The following NTRK2 variants were observed in gnomAD, a reference collection of about 807,000 sequenced individuals.
NTRK2 encodes the protein neurotrophic receptor tyrosine kinase 2.
Under a neutral mutation model 94.5 loss-of-function variants are expected in NTRK2, and 13 were observed. The ratio of observed to expected loss-of-function variants is 0.14; its 90% confidence interval spans 0.09 to 0.22. The LOEUF (loss-of-function observed/expected upper bound fraction) is 0.22, where lower values mean the gene tolerates loss of function less well. Among genes scored for constraint, NTRK2 ranks in the 10% least tolerant of loss-of-function variants. The pLI, the probability that NTRK2 is intolerant of heterozygous loss-of-function variation, is 1.00. For synonymous variants in NTRK2, 372 were observed against 407.4 expected (o/e 0.91, Z 1.05); for missense variants, 639 against 1,071.2 (o/e 0.60, Z 5.63).
chr9:84,909,944 T>C (rs1031525472), intron 14 of NTRK2, among the ~76,000 whole-genome samples: 1 of 152,178 alleles, frequency 6.6e-6, no homozygotes, highest in Non-Finnish European at 1.5e-5. Context: ...GAAAGTCCAA[T>C]TTGTTAATTT....
intron 17 of NTRK2, among the ~76,000 whole-genome samples, chr9:84,992,576 C>T (rs548750760): frequency 4.6e-5 from 7 of 152,116 alleles, no homozygotes; most frequent in Admixed American, 2.0e-4. Context: ...TGTCTGGCAC[C>T]GTGCCTGGCA....
intron 13 of NTRK2, among the ~76,000 whole-genome samples, chr9:84,861,306 C>G (rs1015883108): frequency 6.6e-6 from 1 of 152,064 alleles, no homozygotes; most frequent in African/African-American, 2.4e-5. Context: ...AGATTTGACT[C>G]GTTTTTATCC....
rs549636095 is a variant in NTRK2, at chr9:84,746,428, C to T, written c.1296+1355C>T. Among the ~76,000 whole-genome samples the T allele has an allele frequency of 2.6e-5, 4 of 152,290 alleles. No individual in the cohort carries two copies. In the South Asian group the frequency reaches 6.2e-4, roughly 24 times the overall value. ...TCAGTTGTTCTTTCCTGCATGACCA[C>T]GCAGCCTCCTAACCCATCTCCCTCT... On this transcript the variant is annotated intron_variant, in intron 11 of 18. Transcript: ENST00000277120.
Position 84,670,685 on chromosome 9 carries a change from G to T in NTRK2, c.-64G>T. 6.5e-7 allele frequency: 1 copy of T among 1,543,746 alleles called. No homozygotes were observed. The highest frequency in any genetic ancestry group is 1.1e-5 in the South Asian group (1 of 89,586). On this transcript the variant is annotated 5_prime_UTR_variant, in exon 2 of 19. Transcript: ENST00000277120. ...AAGCGCAGGGAAGGCCTCCCCGCAC[G>T]GGTGGGGGAAAGCGGCCGGTGCAGC...
chr9:84,830,116 C>G (rs2073440118), intron 12 of NTRK2, among the ~76,000 whole-genome samples: 1 of 152,180 alleles, frequency 6.6e-6, no homozygotes, highest in African/African-American at 2.4e-5. Flanking sequence ...TGTTGGCATT[C>G]ATGTAGACTT....
At chr9:84,737,251 C>T (rs1784181780) in intron 9 of NTRK2, among the ~76,000 whole-genome samples, 1 of 152,154 alleles carries the variant, frequency 6.6e-6, no homozygotes, top group Non-Finnish European at 1.5e-5. Flanking sequence ...GTCAGGCTAC[C>T]TCTCTTCCCA....
chr9:84,898,249 T>C (rs529996906), intron 14 of NTRK2, among the ~76,000 whole-genome samples: 91 of 152,306 alleles, frequency 6.0e-4, no homozygotes, highest in Non-Finnish European at 1.2e-3. Context: ...AGTCCTTCCA[T>C]GGTGCCATCA....
Position 84,927,026 on chromosome 9 carries a change from C to A in NTRK2, c.1634-7136C>A, listed in dbSNP as rs545572037. ...TGAGGACATTGATCATTGTGCCTAT[C>A]GGCATCCCTTTTGTAAAATCGATTT... On this transcript the variant is annotated intron_variant, in intron 14 of 18. Transcript: ENST00000277120. Among the ~76,000 whole-genome samples the A allele has an allele frequency of 3.9e-5, 6 of 152,324 alleles. No individual in the cohort carries two copies. The South Asian group carries it at 1.2e-3, about 32-fold the overall frequency.
At chr9:84,719,747 G>T (rs929283065) in intron 6 of NTRK2, among the ~76,000 whole-genome samples, 2 of 151,958 alleles carry the variant, frequency 1.3e-5, no homozygotes, top group Admixed American at 1.3e-4. Flanking sequence ...GGCTGGGCAC[G>T]GTGGCTCATA....
At chr9:84,937,415 T>C (rs1055868191) in intron 15 of NTRK2, among the ~76,000 whole-genome samples, 6 of 152,210 alleles carry the variant, frequency 3.9e-5, no homozygotes, top group Non-Finnish European at 8.8e-5. Flanking sequence ...ACGTTCAGAT[T>C]GACAGATGTC....
chr9:84,972,078 G>T (rs565594970), intron 17 of NTRK2, among the ~76,000 whole-genome samples: 1 of 152,166 alleles, frequency 6.6e-6, no homozygotes, highest in African/African-American at 2.4e-5. Flanking sequence ...ACATTCATAG[G>T]GGGGTATCCA....
intron 13 of NTRK2, 99 bp from the exon 14 acceptor site, chr9:84,867,144 C>A: frequency 8.6e-7 from 1 of 1,163,642 alleles, no homozygotes; most frequent in Non-Finnish European, 1.3e-6. Context: ...CTAAAACCCA[C>A]TGAATTGTAT....
At chr9:84,691,430 G>A (rs1295033436) in intron 2 of NTRK2, among the ~76,000 whole-genome samples, 2 of 152,114 alleles carry the variant, frequency 1.3e-5, no homozygotes, top group Non-Finnish European at 2.9e-5. Flanking sequence ...CATGCCCTTT[G>A]CTGAACCAGG....
chr9:84,726,716 C>T (rs1254429413), intron 8 of NTRK2, among the ~76,000 whole-genome samples: 1 of 152,148 alleles, frequency 6.6e-6, no homozygotes, highest in African/African-American at 2.4e-5. Context: ...CCTTGATGAG[C>T]TCACTTAACC....
In NTRK2 at chr9:84,888,982, A is replaced by ATTTTTTTTTTTTTTTTTTTTTTTTT. The variant is rs71369159; in HGVS notation, c.1633+21553_1633+21577dup. On this transcript the variant is annotated intron_variant, in intron 14 of 18. Coordinates refer to ENST00000277120, the MANE Select transcript of NTRK2 (RefSeq NM_006180.6). Reference sequence around the variant, plus strand: ...TCCCCATTATTTATTAATGACAGAAATTTTTTTTTTTTTTTTTTTTTTTTT... The same window carrying ATTTTTTTTTTTTTTTTTTTTTTTTT: ...TCCCCATTATTTATTAATGACAGAAATTTTTTTTTTTTTTTTTTTTTTTTTTTTTTTTTTTTTTTTTTTTTTTTTT... Among the ~76,000 whole-genome samples the ATTTTTTTTTTTTTTTTTTTTTTTTT allele has an allele frequency of 4.7e-4, 48 of 101,712 alleles. 17 individuals are homozygous for ATTTTTTTTTTTTTTTTTTTTTTTTT. The East Asian group carries it at 5.4e-3, about 12-fold the overall frequency. 66.7% of individuals were successfully genotyped at this position (101,712 alleles called of 152,430 possible). A position where few individuals can be genotyped will look rare whatever the true frequency, so the allele number is the denominator to read the frequency against.
chr9:84,942,610 A>T lies in NTRK2; in HGVS notation c.1765-5852A>T, dbSNP rs546030362. Among the ~76,000 whole-genome samples the T allele has an allele frequency of 6.6e-5, 10 of 152,332 alleles. No individual in the cohort carries two copies. The East Asian group carries it at 1.7e-3, about 26-fold the overall frequency. ...CATTTGTAATTTTGAACTTCTTAGT[A>T]TGCATATTTAAAATGTAAAAAGAAA... On this transcript the variant is annotated intron_variant, in intron 15 of 18. Coordinates refer to ENST00000277120, the MANE Select transcript of NTRK2 (RefSeq NM_006180.6).
intron 14 of NTRK2, among the ~76,000 whole-genome samples, chr9:84,886,374 C>T (rs2076414997): frequency 6.6e-6 from 1 of 152,200 alleles, no homozygotes; most frequent in East Asian, 1.9e-4. Context: ...AGCTGTTGGT[C>T]ACCTCGCCTC....
At chr9:84,812,096 T>C (rs2071869430) in intron 12 of NTRK2, 1 of 1,059,924 alleles carries the variant, frequency 9.4e-7, no homozygotes, top group Admixed American at 5.4e-5. Context: ...TGCTGCAATT[T>C]AGCTTTAAGG....
intron 2 of NTRK2, among the ~76,000 whole-genome samples, chr9:84,682,969 T>A (rs2059486460): frequency 6.6e-6 from 1 of 152,188 alleles, no homozygotes; most frequent in African/African-American, 2.4e-5. Context: ...TCTACTTGTG[T>A]CCTCACATGG....
Sources: gnomAD v4.1 joint callset for allele counts (sites outside exome capture counted in the v4.1 genomes callset) on GRCh38, gnomAD v4.1.1 for gene constraint, MANE v1.5 for transcripts, NCBI Gene and HGNC (gene_info 2026-07-23, HGNC 2026-07-21) for gene names.